Variants in PTPRD observed in about 807,000 individuals in gnomAD.
PTPRD encodes receptor-type tyrosine-protein phosphatase delta.
A neutral mutation model predicts 214.5 loss-of-function variants in PTPRD; 34 were observed. That is an observed-to-expected ratio of 0.16 (90% CI 0.12 to 0.21). PTPRD has a LOEUF of 0.21. PTPRD is among the 10% of genes least tolerant of loss of function. The probability of loss-of-function intolerance (pLI) is 1.00; values close to 1 mark genes in which losing one functional copy is unlikely to be tolerated. For synonymous variants in PTPRD, 1,128 were observed against 845.7 expected (o/e 1.33, Z -5.79); for missense variants, 2,545 against 2,398.7 (o/e 1.06, Z -1.27).
At chr9:8,784,582 A>T (rs2095862220) in intron 11 of PTPRD, among the ~76,000 whole-genome samples, 1 of 152,206 alleles carries the variant, frequency 6.6e-6, no homozygotes, top group African/African-American at 2.4e-5. Context: ...TTAATTAAAC[A>T]GCGTCAGAAC....
At chr9:8,586,650 C>A (rs970880525) in intron 14 of PTPRD, among the ~76,000 whole-genome samples, 3 of 152,202 alleles carry the variant, frequency 2.0e-5, no homozygotes, top group African/African-American at 7.2e-5. Flanking sequence ...TCTAGCTCTG[C>A]CTCACTACAA....
chr9:8,510,111 C>T (rs1218011765), intron 21 of PTPRD, among the ~76,000 whole-genome samples: 1 of 151,908 alleles, frequency 6.6e-6, no homozygotes, highest in Non-Finnish European at 1.5e-5. Context: ...TAGCAAAACC[C>T]TGTCTCTACA....
chr9:9,528,849 T>C (rs1269490684), intron 8 of PTPRD, among the ~76,000 whole-genome samples: 4 of 152,050 alleles, frequency 2.6e-5, no homozygotes, highest in South Asian at 2.1e-4. Context: ...TCAAGAATTT[T>C]TTCCCATTGA....
intron 3 of PTPRD, among the ~76,000 whole-genome samples, chr9:10,063,826 G>C (rs548782526): frequency 6.6e-6 from 1 of 151,908 alleles, no homozygotes; most frequent in Non-Finnish European, 1.5e-5. Flanking sequence ...AGCAGTACTG[G>C]GGAAAAACAA....
intron 7 of PTPRD, among the ~76,000 whole-genome samples, chr9:9,612,061 AT>A (rs1176577064): frequency 6.6e-6 from 1 of 152,156 alleles, no homozygotes; most frequent in Non-Finnish European, 1.5e-5. Context: ...GACATAATTT[AT>A]CTGCTATTTT....
intron 2 of PTPRD, among the ~76,000 whole-genome samples, chr9:10,486,043 T>G (rs1428281651): frequency 2.0e-5 from 3 of 151,938 alleles, no homozygotes; most frequent in South Asian, 4.1e-4. Context: ...TTTTTTTTCT[T>G]GTAAATTTGT....
chr9:8,929,461 C>A (rs573615432), intron 11 of PTPRD, among the ~76,000 whole-genome samples: 22 of 152,046 alleles, frequency 1.4e-4, no homozygotes, highest in Admixed American at 5.9e-4. Flanking sequence ...TGGTTTTGGT[C>A]ATTGGCTCTG....
chr9:8,902,860 GTAATCATAATTTC>G (rs1217078277), intron 11 of PTPRD, among the ~76,000 whole-genome samples: 1 of 152,062 alleles, frequency 6.6e-6, no homozygotes, highest in Non-Finnish European at 1.5e-5. Flanking sequence ...TCATTCGAAG[GTAATCATAATTTC>G]TATTTCTGTT....
intron 2 of PTPRD, among the ~76,000 whole-genome samples, chr9:10,345,106 C>A (rs745355010): frequency 6.6e-6 from 1 of 152,102 alleles, no homozygotes. Flanking sequence ...GAATTCCAAT[C>A]ACCCACCATT....
intron 8 of PTPRD, among the ~76,000 whole-genome samples, chr9:9,559,014 G>A (rs1210709671): frequency 6.6e-6 from 1 of 152,188 alleles, no homozygotes; most frequent in Non-Finnish European, 1.5e-5. Context: ...CACTAAAGTG[G>A]ATGTCCGCAC....
At chr9:9,243,185 G>T (rs537471900) in intron 9 of PTPRD, among the ~76,000 whole-genome samples, 45 of 152,056 alleles carry the variant, frequency 3.0e-4, no homozygotes, top group Non-Finnish European at 5.7e-4. Flanking sequence ...GGCCCAGATG[G>T]ATTCACAGCT....
At chr9:10,007,773 T>C (rs1159387928) in intron 4 of PTPRD, among the ~76,000 whole-genome samples, 4 of 152,062 alleles carry the variant, frequency 2.6e-5, no homozygotes, top group Non-Finnish European at 2.9e-5. Context: ...TTTAAAATAC[T>C]AACTGCTTGT....
chr9:8,376,458 C>T, intron 38 of PTPRD, 149 bp downstream of exon 38: 1 of 1,172,780 alleles, frequency 8.5e-7, no homozygotes, highest in Non-Finnish European at 1.2e-6. Flanking sequence ...AGAAAAATGG[C>T]TGAGTGATAA....
intron 11 of PTPRD, among the ~76,000 whole-genome samples, chr9:8,810,863 T>C (rs1468245605): frequency 6.6e-6 from 1 of 152,160 alleles, no homozygotes; most frequent in African/African-American, 2.4e-5. Context: ...TCCCTGTGGA[T>C]GAGGGAAGGC....
At chr9:10,157,176 A>T (rs1425968938) in intron 3 of PTPRD, among the ~76,000 whole-genome samples, 6 of 152,156 alleles carry the variant, frequency 3.9e-5, no homozygotes, top group Non-Finnish European at 8.8e-5. Flanking sequence ...TGTCATCATG[A>T]CATCAGCTGG....
chr9:9,949,069 ATT>A (rs2093151194), intron 4 of PTPRD, among the ~76,000 whole-genome samples: 1 of 152,072 alleles, frequency 6.6e-6, no homozygotes, highest in Non-Finnish European at 1.5e-5. Context: ...AATTATAAGA[ATT>A]GTTCATATGT....
intron 6 of PTPRD, among the ~76,000 whole-genome samples, chr9:9,748,516 G>C (rs1310193480): frequency 6.6e-6 from 1 of 152,140 alleles, no homozygotes; most frequent in Non-Finnish European, 1.5e-5. Context: ...ACAACACATC[G>C]TAAGGGATAC....
intron 7 of PTPRD, among the ~76,000 whole-genome samples, chr9:9,630,507 T>G (rs1178120267): frequency 1.3e-5 from 2 of 152,150 alleles, no homozygotes; most frequent in African/African-American, 4.8e-5. Flanking sequence ...CAATTGACCT[T>G]GAAATTGTAA....
intron 10 of PTPRD, among the ~76,000 whole-genome samples, chr9:9,027,477 A>G (rs1179937175): frequency 6.6e-6 from 1 of 151,948 alleles, no homozygotes; most frequent in Non-Finnish European, 1.5e-5. Context: ...TCATAAATAT[A>G]AATTTTGGAT....
Sources: gnomAD v4.1 joint callset for allele counts (sites outside exome capture counted in the v4.1 genomes callset) on GRCh38, gnomAD v4.1.1 for gene constraint, MANE v1.5 for transcripts, NCBI Gene and HGNC (gene_info 2026-07-23, HGNC 2026-07-21) for gene names.